The following MYOM3 variants were observed in gnomAD, a reference collection of about 807,000 sequenced individuals.
The protein encoded by MYOM3 is myomesin-3.
In MYOM3, 155 loss-of-function variants were observed where a neutral mutation model predicts 191.7. The observed-to-expected ratio is 0.81, with a 90% confidence interval of 0.71 to 0.92. MYOM3 has a LOEUF of 0.92. Among genes scored for constraint, MYOM3 ranks in the 40% least tolerant of loss-of-function variants. MYOM3 has a pLI of 0.00. For missense variants in MYOM3, 1,889 were observed against 1,890.6 expected (o/e 1.00, Z 0.02); for synonymous variants, 757 against 762.9 (o/e 0.99, Z 0.13).
intron 6 of MYOM3, among the ~76,000 whole-genome samples, chr1:24,098,279 A>G (rs1007783669): frequency 2.0e-5 from 3 of 152,234 alleles, no homozygotes; most frequent in African/African-American, 4.8e-5. Context: ...GCCACATTGC[A>G]GTTATTGCTG....
At position 24,076,229 on chromosome 1, in the gene MYOM3, C is replaced by T; in HGVS notation, c.2631G>A (p.Gln877=). The part of the protein sequence containing the change: ...QPGKSYVFQV[Q]AMNSAGLGQP... ...GCCCCAGACCAGCTGAATTCATGGC[C>T]TGTACCTGGAACACGTAACTCTTTC... The change falls in exon 21 of 37, where the codon CAG becomes CAA. Residue 877 remains glutamine (Q), a synonymous_variant. Transcript: ENST00000374434. 1 of 1,614,214 alleles carries T rather than the reference C, an allele frequency of 6.2e-7. No homozygotes were observed. Among genetic ancestry groups the T allele is most frequent in the Non-Finnish European group, 8.5e-7 (1 of 1,180,028 alleles).
Position 24,105,975 on chromosome 1 carries a change from T to C in MYOM3, c.505A>G (p.Thr169Ala). ...ACAGTGCAGGTCAGCAGGACCGTGGTGTGCTCCCAGACGGCGTGGGAGCGA... is the reference window on the plus strand; with the variant it reads ...ACAGTGCAGGTCAGCAGGACCGTGGCGTGCTCCCAGACGGCGTGGGAGCGA... ...PLRSHAVWEH[T>A]TVLLTCTVQA... The change falls in exon 5 of 37, where the codon ACC (threonine) becomes GCC (alanine). Residue 169 changes from threonine (T) to alanine (A), a missense_variant. Transcript: ENST00000374434. The C allele has an allele frequency of 6.2e-7, 1 of 1,613,898 alleles. No homozygotes were observed. Among genetic ancestry groups the C allele is most frequent in the Non-Finnish European group, 8.5e-7 (1 of 1,179,980 alleles).
At chr1:24,075,726 C>T (rs1040301774) in intron 21 of MYOM3, among the ~76,000 whole-genome samples, 6 of 152,160 alleles carry the variant, frequency 3.9e-5, no homozygotes, top group African/African-American at 1.2e-4. Flanking sequence ...TAATAAAGCA[C>T]GTATCTCTAT....
chr1:24,075,076 AAAAAGAAAAGAAAAG>A (rs66516438), intron 22 of MYOM3, among the ~76,000 whole-genome samples: 145 of 150,524 alleles, frequency 9.6e-4, no homozygotes, highest in African/African-American at 2.1e-3. Context: ...CCTGTCTCAA[AAAAAGAAAAGAAAAG>A]AAAAGAAAAG....
intron 3 of MYOM3, 42 bp from the exon 4 acceptor site, chr1:24,107,274 G>C: frequency 6.5e-7 from 1 of 1,533,602 alleles, no homozygotes; most frequent in Non-Finnish European, 8.8e-7. Flanking sequence ...AGGGATGGGG[G>C]ATGCCTGGGG....
Position 24,082,382 on chromosome 1 carries a change from C to G in MYOM3, c.2093-194G>C. The stretch of plus-strand genomic sequence containing the variant: ...TTTCTGGGTCTGAGGGCTTCCCCAC[C>G]CCCCAGAGCTGCTCAGGCCCCATCC... On this transcript the variant is annotated intron_variant, in intron 17 of 36. Coordinates refer to ENST00000374434, the MANE Select transcript of MYOM3 (RefSeq NM_152372.4). 3 of 863,308 alleles carry G rather than the reference C, an allele frequency of 3.5e-6. No homozygotes were observed. In the South Asian group the frequency reaches 6.0e-5, roughly 17 times the overall value. The allele number at this position is 863,308 out of a possible 1,614,324, so 53.5% of individuals were successfully genotyped here.
intron 22 of MYOM3, 149 bp downstream of exon 22, chr1:24,075,170 C>T: frequency 1.4e-6 from 1 of 703,684 alleles, no homozygotes; most frequent in South Asian, 1.9e-5. Flanking sequence ...ACTAAGGTGG[C>T]AGTCAGCGTC....
chr1:24,104,389 A>G (rs146335950), intron 5 of MYOM3, among the ~76,000 whole-genome samples: 9 of 152,308 alleles, frequency 5.9e-5, no homozygotes, highest in African/African-American at 2.2e-4. Context: ...GATCTCAAAT[A>G]TCACCCACGA....
intron 5 of MYOM3, among the ~76,000 whole-genome samples, chr1:24,101,758 A>C (rs1489116838): frequency 6.6e-6 from 1 of 152,154 alleles, no homozygotes; most frequent in African/African-American, 2.4e-5. Flanking sequence ...TCTCAAAAAA[A>C]AAATTTGTTT....
intron 20 of MYOM3, among the ~76,000 whole-genome samples, chr1:24,077,558 A>G (rs1643617454): frequency 6.6e-6 from 1 of 152,182 alleles, no homozygotes; most frequent in Non-Finnish European, 1.5e-5. Context: ...CGGCAGATGC[A>G]TGGATTCCAG....
intron 35 of MYOM3, among the ~76,000 whole-genome samples, chr1:24,060,145 C>T (rs769618120): frequency 3.3e-5 from 5 of 152,178 alleles, no homozygotes; most frequent in Admixed American, 6.5e-5. Context: ...CAGGGACATT[C>T]TCACTGGGTG....
In MYOM3 at chr1:24,089,683, C is replaced by T. The variant is rs191465486; in HGVS notation, c.1487-18G>A. ...CACAGTATCTGAAATCAGAGTCACCCGGGACCGAGATGGTTGGACCCTCAG... is the reference window on the plus strand; with the variant it reads ...CACAGTATCTGAAATCAGAGTCACCTGGGACCGAGATGGTTGGACCCTCAG... On this transcript the variant is annotated intron_variant, in intron 13 of 36. Coordinates refer to ENST00000374434, the MANE Select transcript of MYOM3 (RefSeq NM_152372.4). 7.9e-5 allele frequency: 123 copies of T among 1,562,074 alleles called. No individual in the cohort carries two copies. The highest frequency in any genetic ancestry group is 3.0e-4 in the South Asian group (25 of 83,988).
chr1:24,067,283 C>CCTTCCTTT (rs879599894), intron 27 of MYOM3, among the ~76,000 whole-genome samples, 195 bp from the exon 28 acceptor site: 2 of 108,736 alleles, frequency 1.8e-5, no homozygotes, highest in East Asian at 3.5e-4. Flanking sequence ...TTTCTTCCTT[C>CCTTCCTTT]CTTTCTTTCT....
At chr1:24,082,382 C>A (rs1250905770) in intron 17 of MYOM3, 194 bp from the exon 18 acceptor site, 2 of 863,190 alleles carry the variant, frequency 2.3e-6, no homozygotes, top group Non-Finnish European at 3.4e-6. Context: ...GCTTCCCCAC[C>A]CCCCAGAGCT....
intron 24 of MYOM3, 39 bp downstream of exon 24, chr1:24,071,930 G>A (rs1643536627): frequency 1.2e-6 from 2 of 1,608,506 alleles, no homozygotes; most frequent in Admixed American, 3.3e-5. Context: ...GGGCCCAGTG[G>A]GAACTGCACA....
At position 24,090,433 on chromosome 1, in the gene MYOM3, C is replaced by T. The variant is rs555294280; in HGVS notation, c.1433-315G>A. On this transcript the variant is annotated intron_variant, in intron 12 of 36. Transcript: ENST00000374434. The stretch of plus-strand genomic sequence containing the variant: ...AGCACACCCAAGTCAGCGTGGCTCC[C>T]GAGGGCTGAGAGGAGGCCGTGTCCC... 1.2e-4 allele frequency among the ~76,000 whole-genome samples: 19 copies of T among 152,286 alleles called. 1 individual carries two copies. The South Asian group carries it at 2.1e-3, about 17-fold the overall frequency.
intron 1 of MYOM3, among the ~76,000 whole-genome samples, chr1:24,108,957 G>T (rs149730042): frequency 1.5e-4 from 23 of 152,344 alleles, no homozygotes; most frequent in African/African-American, 5.3e-4. Context: ...CCCAGCCCTT[G>T]TCTCACTGTA....
At chr1:24,074,387 G>A in intron 22 of MYOM3, 118 bp from the exon 23 acceptor site, 1 of 679,602 alleles carries the variant, frequency 1.5e-6, no homozygotes, top group Non-Finnish European at 2.5e-6. Context: ...AGCAGACCCT[G>A]GCCAAGTCAG....
At chr1:24,092,872 G>C (rs538316312) in intron 10 of MYOM3, 75 bp downstream of exon 10, 5 of 1,371,730 alleles carry the variant, frequency 3.6e-6, no homozygotes, top group East Asian at 2.7e-5. Context: ...CTTGCCTAAG[G>C]TTCCACAGCA....
Sources: allele counts gnomAD v4.1 joint callset (sites outside exome capture counted in the v4.1 genomes callset), GRCh38; gene constraint gnomAD v4.1.1; transcripts MANE v1.5; gene names NCBI Gene and HGNC (gene_info 2026-07-23, HGNC 2026-07-21).